Variants in IGHMBP2 observed in about 807,000 individuals in gnomAD.
The protein encoded by IGHMBP2 is DNA-binding protein SMUBP-2.
In IGHMBP2, 81 loss-of-function variants were observed where a neutral mutation model predicts 96.0. That is an observed-to-expected ratio of 0.84 (90% confidence interval 0.71 to 1.01). IGHMBP2 has a LOEUF of 1.01. Among genes scored for constraint, IGHMBP2 ranks in the 50% least tolerant of loss-of-function variants. The pLI is 0.00. For synonymous variants in IGHMBP2, 557 were observed against 548.9 expected (o/e 1.01, Z -0.21); for missense variants, 1,227 against 1,306.3 (o/e 0.94, Z 0.94).
chr11:68,906,223 A>C lies in IGHMBP2; in HGVS notation c.241A>C (p.Asn81His). Residue 81 changes from asparagine to histidine, a missense_variant, in exon 2 of 15, where the codon AAC (asparagine) becomes CAC (histidine). By Grantham distance (68) the Asn-to-His change is moderately conservative (BLOSUM62 1). Coordinates refer to ENST00000255078, the MANE Select transcript of IGHMBP2 (RefSeq NM_002180.3). ...CGGGTCCGCGGCAGCTCTTCCCAGT[A>C]ACAGCTTTACTTCTGGTGTGTGCGT... ...RYGSAAALPSNSFTSGDIVGL... is the reference protein window; with the variant it reads ...RYGSAAALPSHSFTSGDIVGL... 6.2e-7 allele frequency: 1 copy of C among 1,614,106 alleles called. No homozygotes were observed. Among genetic ancestry groups the C allele is most frequent in the Non-Finnish European group, 8.5e-7 (1 of 1,180,026 alleles).
intron 7 of IGHMBP2, among the ~76,000 whole-genome samples, chr11:68,928,347 C>T (rs914572121): frequency 3.9e-5 from 6 of 152,190 alleles, no homozygotes; most frequent in Non-Finnish European, 8.8e-5. Flanking sequence ...TATCCAAAGC[C>T]CAGCCAAGTT....
At chr11:68,916,184 C>A (rs558295658) in intron 6 of IGHMBP2, among the ~76,000 whole-genome samples, 84 of 151,872 alleles carry the variant, frequency 5.5e-4, no homozygotes, top group African/African-American at 1.7e-3. Flanking sequence ...AAAAAAAAAA[C>A]CAAACATTTT....
rs755792559 is a variant in IGHMBP2 at position 68,939,725 on chromosome 11, G to A, written c.2976G>A (p.Gly992=). The stretch of plus-strand genomic sequence containing the variant: ...GGACCAGCCGGAGGAAGGAGAGGGG[G>A]ACGTGACCGGCCGCATCCTTGCACG... The part of the protein sequence containing the change: ...NQRTSRRKER[G]T Residue 992 remains glycine (G), a synonymous_variant, in exon 15 of 15, where the codon GGG becomes GGA. Coordinates refer to ENST00000255078, the MANE Select transcript of IGHMBP2 (RefSeq NM_002180.3). 187 of 1,608,472 alleles carry A rather than the reference G, an allele frequency of 1.2e-4. No individual in the cohort carries two copies. Among genetic ancestry groups the A allele is most frequent in the Non-Finnish European group, 1.5e-4 (174 of 1,178,224 alleles).
chr11:68,921,427 T>C (rs1858873455), intron 7 of IGHMBP2, among the ~76,000 whole-genome samples: 1 of 152,198 alleles, frequency 6.6e-6, no homozygotes, highest in Non-Finnish European at 1.5e-5. Flanking sequence ...TTGTTAGCTA[T>C]ATATCTGTAT....
chr11:68,918,022 T>TCC, intron 7 of IGHMBP2, 139 bp downstream of exon 7: 1 of 824,284 alleles, frequency 1.2e-6, no homozygotes, highest in Non-Finnish European at 2.0e-6. Flanking sequence ...AGGGAAGGCC[T>TCC]CCGTACCTGC....
intron 8 of IGHMBP2, chr11:68,930,046 C>T: frequency 8.8e-7 from 1 of 1,136,836 alleles, no homozygotes; most frequent in Non-Finnish European, 1.1e-6. Flanking sequence ...GCTGGCCCCT[C>T]TGCCTGGACC....
At chr11:68,937,715 C>G in intron 13 of IGHMBP2, 1 of 224,946 alleles carries the variant, frequency 4.4e-6, no homozygotes, top group Non-Finnish European at 9.0e-6. Context: ...CCATTTTCCT[C>G]AGCAAGAGCA....
Position 68,908,471 on chromosome 11 carries a change from A to G in IGHMBP2, c.450-63A>G, listed in dbSNP as rs1858291052. 3 of 1,486,038 alleles carry G rather than the reference A, an allele frequency of 2.0e-6. No individual in the cohort carries two copies. The African/African-American group carries it at 4.1e-5, about 21-fold the overall frequency. The allele number at this position is 1,486,038 out of a possible 1,614,324, so 92.1% of individuals were successfully genotyped here. On this transcript the variant is annotated intron_variant, in intron 3 of 14. Coordinates refer to ENST00000255078, the MANE Select transcript of IGHMBP2 (RefSeq NM_002180.3). ...GGCCCTCATGGGAGTTGGTGGCAGC[A>G]TTGGGGCAGAGGCTCGGGCACTGAA...
At position 68,939,728 on chromosome 11, in the gene IGHMBP2, G is replaced by C. The variant is rs201760315; in HGVS notation, c.2979G>C (p.Thr993=). ...CCAGCCGGAGGAAGGAGAGGGGGACGTGACCGGCCGCATCCTTGCACGCCC... is the reference window on the plus strand; with the variant it reads ...CCAGCCGGAGGAAGGAGAGGGGGACCTGACCGGCCGCATCCTTGCACGCCC... ...QRTSRRKERG[T] is the part of the protein sequence containing the mutation. The change falls in exon 15 of 15, where the codon ACG becomes ACC. Residue 993 remains threonine (T), a synonymous_variant. Transcript: ENST00000255078. The C allele has an allele frequency of 1.2e-6, 2 of 1,607,446 alleles. No individual in the cohort carries two copies. Among genetic ancestry groups the C allele is most frequent in the South Asian group, 2.2e-5 (2 of 89,994 alleles).
intron 7 of IGHMBP2, among the ~76,000 whole-genome samples, chr11:68,918,798 C>A (rs1428552767): frequency 6.6e-6 from 1 of 152,054 alleles, no homozygotes; most frequent in Non-Finnish European, 1.5e-5. Context: ...ACCCACCGCG[C>A]CCGGCCTGGC....
chr11:68,910,650 G>A (rs1858392253), intron 4 of IGHMBP2, among the ~76,000 whole-genome samples: 1 of 152,186 alleles, frequency 6.6e-6, no homozygotes, highest in Non-Finnish European at 1.5e-5. Context: ...TTGGGAGGCT[G>A]AGGCCGGCAG....
At chr11:68,905,873 G>T (rs1283712859) in intron 1 of IGHMBP2, among the ~76,000 whole-genome samples, 196 bp from the exon 2 acceptor site, 1 of 152,222 alleles carries the variant, frequency 6.6e-6, no homozygotes, top group Non-Finnish European at 1.5e-5. Flanking sequence ...CTGAGAGAAG[G>T]GTTGTGGCAT....
chr11:68,928,163 A>C (rs1478531386), intron 7 of IGHMBP2, among the ~76,000 whole-genome samples: 1 of 152,200 alleles, frequency 6.6e-6, no homozygotes, highest in Non-Finnish European at 1.5e-5. Flanking sequence ...CTTGCTGGAA[A>C]TCAGGAGGCA....
intron 13 of IGHMBP2, 100 bp downstream of exon 13, chr11:68,937,191 C>T: frequency 1.4e-6 from 2 of 1,403,608 alleles, no homozygotes; most frequent in Non-Finnish European, 2.0e-6. Context: ...AGGGCTTCCT[C>T]CTGGTGGCAC....
chr11:68,913,058 A>AAAAAAC lies in IGHMBP2; in HGVS notation c.711+1460_711+1461insCAAAAA, dbSNP rs754070043. On this transcript the variant is annotated intron_variant, in intron 5 of 14. Coordinates refer to ENST00000255078, the MANE Select transcript of IGHMBP2 (RefSeq NM_002180.3). ...ACTCCATCTCCAAAAAAAAAAAAAAAAAAAAAAAAACCAAAAAAACCACGA... is the reference window on the plus strand; with the variant it reads ...ACTCCATCTCCAAAAAAAAAAAAAAAAAAAACAAAAAAAAAACCAAAAAAACCACGA... Among the ~76,000 whole-genome samples the AAAAAAC allele has an allele frequency of 1.0e-3, 153 of 150,298 alleles. 1 individual carries two copies. Among genetic ancestry groups the AAAAAAC allele is most frequent in the African/African-American group, 3.3e-3 (135 of 40,998 alleles).
rs140061390 is a variant in IGHMBP2, at chr11:68,925,290, C to T, written c.1061-3893C>T. ...CCTCCTGAGTAGCTGGGATTGCAGG[C>T]GCATGCCACCAGGCCCAGCTAATTT... On this transcript the variant is annotated intron_variant, in intron 7 of 14. Transcript: ENST00000255078. Among the ~76,000 whole-genome samples the T allele has an allele frequency of 7.0e-4, 106 of 151,966 alleles. No individual in the cohort carries two copies. In the East Asian group the frequency reaches 0.013, roughly 19 times the overall value.
rs940040078 is a variant in IGHMBP2 at position 68,906,161 on chromosome 11, A to G, written c.179A>G (p.Tyr60Cys). 1 of 1,614,042 alleles carries G rather than the reference A, an allele frequency of 6.2e-7. No homozygotes were observed. Among genetic ancestry groups the G allele is most frequent in the South Asian group, 1.1e-5 (1 of 91,078 alleles). ...GTATCCAGCCAGCGCACTGGGCTGT[A>G]CGGACGGCTGCTGGTCACCTTTGAG... ...LQVSSQRTGL[Y>C]GRLLVTFEPR... Residue 60 changes from tyrosine to cysteine, a missense_variant, in exon 2 of 15, where the codon TAC becomes TGC. Coordinates refer to ENST00000255078, the MANE Select transcript of IGHMBP2 (RefSeq NM_002180.3).
At chr11:68,911,405 A>C in intron 4 of IGHMBP2, 35 bp from the exon 5 acceptor site, 1 of 1,610,242 alleles carries the variant, frequency 6.2e-7, no homozygotes, top group Admixed American at 1.7e-5. Flanking sequence ...AGCTCCCCAG[A>C]GCACCTGAGC....
chr11:68,929,776 A>G (rs1480249704), intron 8 of IGHMBP2: 1 of 985,210 alleles, frequency 1.0e-6, no homozygotes, highest in African/African-American at 1.7e-5. Flanking sequence ...GGCACTGGGC[A>G]GAGACTCAGC....
Sources: allele counts gnomAD v4.1 joint callset (sites outside exome capture counted in the v4.1 genomes callset), GRCh38; gene constraint gnomAD v4.1.1; transcripts MANE v1.5; gene names NCBI Gene and HGNC (gene_info 2026-07-23, HGNC 2026-07-21).